OPCML: variants seen among roughly 807,000 people sequenced by gnomAD.
OPCML encodes opioid-binding protein/cell adhesion molecule.
Under a neutral mutation model 37.8 loss-of-function variants are expected in OPCML, and 13 were observed. The observed-to-expected ratio is 0.34, with a 90% CI of 0.22 to 0.55. The LOEUF (loss-of-function observed/expected upper bound fraction) is 0.55. Ranked by LOEUF, OPCML falls within the 20% of genes least tolerant of loss-of-function variation. OPCML has a pLI of 0.91. For synonymous variants in OPCML, 176 were observed against 168.8 expected (o/e 1.04, Z -0.33); for missense variants, 341 against 435.6 (o/e 0.78, Z 1.93).
intron 4 of OPCML, among the ~76,000 whole-genome samples, chr11:132,491,324 C>T (rs887300060): frequency 6.6e-6 from 1 of 152,254 alleles, no homozygotes; most frequent in Non-Finnish European, 1.5e-5. Flanking sequence ...ATGGCCTGGA[C>T]TGCTCCATGT....
chr11:132,812,876 C>T (rs1366085088), intron 2 of OPCML, among the ~76,000 whole-genome samples: 1 of 152,160 alleles, frequency 6.6e-6, no homozygotes, highest in Non-Finnish European at 1.5e-5. Flanking sequence ...ACAGTGATTT[C>T]CACATAATAT....
At chr11:133,446,290 T>C (rs1946472561) in intron 1 of OPCML, among the ~76,000 whole-genome samples, 1 of 152,206 alleles carries the variant, frequency 6.6e-6, no homozygotes, top group Non-Finnish European at 1.5e-5. Context: ...GTAGTTTGCA[T>C]CCGTGTTTTC....
chr11:132,483,630 C>T (rs1592245116), intron 4 of OPCML, among the ~76,000 whole-genome samples: 1 of 152,172 alleles, frequency 6.6e-6, no homozygotes, highest in South Asian at 2.1e-4. Context: ...GCCAAAAGAA[C>T]AAAGCTGGAG....
intron 1 of OPCML, among the ~76,000 whole-genome samples, chr11:133,179,199 T>A (rs1386388426): frequency 1.3e-5 from 2 of 151,950 alleles, no homozygotes; most frequent in African/African-American, 2.4e-5. Context: ...AAGATACAAA[T>A]GTGAGGTTAA....
At chr11:133,236,204 G>A (rs1239910367) in intron 1 of OPCML, among the ~76,000 whole-genome samples, 1 of 152,142 alleles carries the variant, frequency 6.6e-6, no homozygotes, top group Non-Finnish European at 1.5e-5. Context: ...AATCCCCACA[G>A]TCGATCTGGT....
intron 1 of OPCML, among the ~76,000 whole-genome samples, chr11:132,969,374 A>G (rs967205688): frequency 6.6e-6 from 1 of 152,068 alleles, no homozygotes; most frequent in Non-Finnish European, 1.5e-5. Context: ...TTTGTCTTTC[A>G]ACCTTTTCCC....
At chr11:132,641,767 C>T (rs75774493) in intron 3 of OPCML, among the ~76,000 whole-genome samples, 178 of 152,244 alleles carry the variant, frequency 1.2e-3, no homozygotes, top group Admixed American at 1.8e-3. Context: ...TTTCCTGTCC[C>T]CTCACTTTCC....
intron 1 of OPCML, among the ~76,000 whole-genome samples, chr11:133,047,044 C>G (rs1948030385): frequency 6.6e-6 from 1 of 152,082 alleles, no homozygotes; most frequent in Non-Finnish European, 1.5e-5. Context: ...TCAAACAGAG[C>G]TGTGGGTCAG....
At chr11:133,364,111 C>G (rs369630319) in intron 1 of OPCML, among the ~76,000 whole-genome samples, 4 of 152,088 alleles carry the variant, frequency 2.6e-5, no homozygotes, top group Non-Finnish European at 5.9e-5. Flanking sequence ...ATGTTGTTAT[C>G]GATTTCCCTC....
At chr11:133,137,436 T>C (rs1949708137) in intron 1 of OPCML, among the ~76,000 whole-genome samples, 1 of 152,244 alleles carries the variant, frequency 6.6e-6, no homozygotes. Flanking sequence ...TTGATATTAC[T>C]TGCCATGTGT....
chr11:133,165,566 T>G (rs1434779411), intron 1 of OPCML, among the ~76,000 whole-genome samples: 1 of 152,204 alleles, frequency 6.6e-6, no homozygotes, highest in Non-Finnish European at 1.5e-5. Flanking sequence ...TTATATTTTC[T>G]CCTAGTTAAA....
intron 7 of OPCML, among the ~76,000 whole-genome samples, chr11:132,429,730 C>T (rs955939669): frequency 1.3e-5 from 2 of 152,156 alleles, no homozygotes; most frequent in Non-Finnish European, 2.9e-5. Flanking sequence ...TTAAAAAGTA[C>T]ATTCTCAGGA....
At chr11:132,682,078 G>C (rs750683251) in intron 2 of OPCML, among the ~76,000 whole-genome samples, 16 of 152,176 alleles carry the variant, frequency 1.1e-4, no homozygotes, top group African/African-American at 1.4e-4. Flanking sequence ...GGGGACTCAG[G>C]TATCCCCCCA....
chr11:132,657,379 T>C (rs964296489), intron 2 of OPCML, 60 bp from the exon 3 acceptor site: 1 of 1,569,196 alleles, frequency 6.4e-7, no homozygotes, highest in Non-Finnish European at 8.7e-7. Context: ...AGTGGAGAGA[T>C]TATATAATAT....
intron 4 of OPCML, among the ~76,000 whole-genome samples, chr11:132,508,402 T>C (rs1305301386): frequency 6.6e-6 from 1 of 152,186 alleles, no homozygotes; most frequent in South Asian, 2.1e-4. Flanking sequence ...GTTGCAAGGT[T>C]GGTCTACCAT....
chr11:133,058,359 G>A (rs1187540097), intron 1 of OPCML, among the ~76,000 whole-genome samples: 1 of 152,212 alleles, frequency 6.6e-6, no homozygotes, highest in East Asian at 1.9e-4. Flanking sequence ...CAGCATCAGA[G>A]ATGCAGGAGA....
rs1482588889 is a variant in OPCML, at chr11:132,419,919, GAAGGGTC to G, written c.*267_*273del. On this transcript the variant is annotated 3_prime_UTR_variant, in exon 8 of 8. Transcript: ENST00000524381. ...GATGAGGAGAGAAGCAGAGGAAAGG[GAAGGGTC>G]AAGGTAGCAGGAGCAGACCCCATTT... The G allele has an allele frequency of 2.8e-5, 11 of 399,064 alleles. No individual in the cohort carries two copies. The allele number at this position is 399,064 out of a possible 1,614,324, so 24.7% of individuals were successfully genotyped here. A position where few individuals can be genotyped will look rare whatever the true frequency, so the allele number is the denominator to read the frequency against.
At chr11:132,636,639 T>C (rs945341964) in intron 3 of OPCML, among the ~76,000 whole-genome samples, 3 of 152,242 alleles carry the variant, frequency 2.0e-5, no homozygotes, top group African/African-American at 7.2e-5. Flanking sequence ...TACAGAACTG[T>C]GAGTGGAGAG....
intron 4 of OPCML, among the ~76,000 whole-genome samples, chr11:132,489,021 T>C (rs73585060): frequency 0.037 from 5,590 of 152,300 alleles, 327 homozygotes; most frequent in African/African-American, 0.12. Flanking sequence ...AAAGGTCTTT[T>C]TGACTTTTTT....
Sources: gnomAD v4.1 joint callset for allele counts (sites outside exome capture counted in the v4.1 genomes callset) on GRCh38, gnomAD v4.1.1 for gene constraint, MANE v1.5 for transcripts, NCBI Gene and HGNC (gene_info 2026-07-23, HGNC 2026-07-21) for gene names.